Variants in CAMKMT observed in about 807,000 individuals in gnomAD.
CAMKMT encodes CaM KMT.
In CAMKMT, 53 loss-of-function variants were observed where a neutral mutation model predicts 48.0. The observed-to-expected ratio is 1.10, with a 90% CI of 0.89 to 1.39. The LOEUF is 1.39. Among genes scored for constraint, CAMKMT ranks in the 40% most tolerant of loss-of-function variants. The probability of loss-of-function intolerance (pLI) is 0.00; values close to 1 mark genes in which losing one functional copy is unlikely to be tolerated. For synonymous variants in CAMKMT, 165 were observed against 152.3 expected (o/e 1.08, Z -0.61); for missense variants, 428 against 402.7 (o/e 1.06, Z -0.54).
chr2:44,599,244 A>G (rs984465637), intron 3 of CAMKMT, among the ~76,000 whole-genome samples: 2 of 152,148 alleles, frequency 1.3e-5, no homozygotes, highest in Non-Finnish European at 1.5e-5. Flanking sequence ...ACCATAACTC[A>G]TAGTTTATTT....
intron 3 of CAMKMT, among the ~76,000 whole-genome samples, chr2:44,525,903 A>T (rs1671380380): frequency 6.6e-6 from 1 of 151,404 alleles, no homozygotes; most frequent in Non-Finnish European, 1.5e-5. Flanking sequence ...ACATGTGCAC[A>T]ATGTGCAGGT....
chr2:44,389,266 T>A (rs1681084859), intron 2 of CAMKMT, among the ~76,000 whole-genome samples: 1 of 152,112 alleles, frequency 6.6e-6, no homozygotes, highest in Non-Finnish European at 1.5e-5. Context: ...GGGCCCACCC[T>A]AATGACCCTA....
At chr2:44,424,226 C>G (rs1211469802) in intron 3 of CAMKMT, among the ~76,000 whole-genome samples, 1 of 151,740 alleles carries the variant, frequency 6.6e-6, no homozygotes, top group Non-Finnish European at 1.5e-5. Context: ...TTTTCAAGCC[C>G]TCCTGTAGTG....
intron 3 of CAMKMT, among the ~76,000 whole-genome samples, chr2:44,651,454 C>T (rs532227012): frequency 8.5e-5 from 13 of 152,234 alleles, no homozygotes; most frequent in African/African-American, 2.2e-4. Context: ...TAGGCCGAGG[C>T]GGGTGGATCA....
chr2:44,459,319 C>T (rs1331556026), intron 3 of CAMKMT, among the ~76,000 whole-genome samples: 1 of 152,154 alleles, frequency 6.6e-6, no homozygotes, highest in Non-Finnish European at 1.5e-5. Context: ...TGATTATACA[C>T]AAACCCATTA....
At chr2:44,736,257 T>G (rs1679350784) in intron 7 of CAMKMT, among the ~76,000 whole-genome samples, 1 of 152,220 alleles carries the variant, frequency 6.6e-6, no homozygotes, top group Non-Finnish European at 1.5e-5. Context: ...TGTTTCACCT[T>G]GTTTTGAAAT....
chr2:44,367,564 C>A (rs1346379541), intron 1 of CAMKMT, among the ~76,000 whole-genome samples: 1 of 152,134 alleles, frequency 6.6e-6, no homozygotes, highest in Non-Finnish European at 1.5e-5. Flanking sequence ...CAAACAAATC[C>A]AAAATCTGAA....
chr2:44,413,585 G>A (rs1443385942), intron 3 of CAMKMT, among the ~76,000 whole-genome samples: 1 of 151,384 alleles, frequency 6.6e-6, no homozygotes, highest in Non-Finnish European at 1.5e-5. Context: ...TGGGGCGGTA[G>A]AGGTCACAGT....
At chr2:44,539,660 TCCTC>T (rs1287646612) in intron 3 of CAMKMT, among the ~76,000 whole-genome samples, 5 of 152,148 alleles carry the variant, frequency 3.3e-5, no homozygotes, top group Non-Finnish European at 5.9e-5. Flanking sequence ...TTTGAACAGT[TCCTC>T]AGCCTTTCTT....
intron 3 of CAMKMT, among the ~76,000 whole-genome samples, chr2:44,639,677 C>G (rs79569983): frequency 0.028 from 4,258 of 152,238 alleles, 199 homozygotes; most frequent in African/African-American, 0.098. Context: ...TCAGCACCAG[C>G]TCCTATCTTT....
chr2:44,436,442 A>G (rs1414722606), intron 3 of CAMKMT, among the ~76,000 whole-genome samples: 1 of 152,172 alleles, frequency 6.6e-6, no homozygotes, highest in Non-Finnish European at 1.5e-5. Flanking sequence ...GGGGACACCA[A>G]TTTCCAAGGC....
At chr2:44,748,674 C>G (rs143168070) in intron 8 of CAMKMT, among the ~76,000 whole-genome samples, 3,334 of 152,028 alleles carry the variant, frequency 0.022, 98 homozygotes, top group African/African-American at 0.076. Context: ...AGATCGAGAC[C>G]ATCCTGGCTA....
chr2:44,521,624 AGGCAACT>A (rs1385678960), intron 3 of CAMKMT, among the ~76,000 whole-genome samples: 1 of 152,220 alleles, frequency 6.6e-6, no homozygotes, highest in Non-Finnish European at 1.5e-5. Context: ...TAACGAGGTT[AGGCAACT>A]TGCCTAGAAT....
intron 3 of CAMKMT, among the ~76,000 whole-genome samples, chr2:44,675,005 C>T (rs1483573992): frequency 2.6e-5 from 4 of 151,896 alleles, no homozygotes; most frequent in Non-Finnish European, 4.4e-5. Flanking sequence ...CTCTCTATTG[C>T]ATCTTTTACC....
At chr2:44,617,042 G>A (rs529416123) in intron 3 of CAMKMT, among the ~76,000 whole-genome samples, 50 of 152,274 alleles carry the variant, frequency 3.3e-4, no homozygotes, top group South Asian at 6.2e-4. Flanking sequence ...TGTGTCCTAC[G>A]TGATAGTGCC....
intron 3 of CAMKMT, among the ~76,000 whole-genome samples, chr2:44,497,908 T>G (rs811494): frequency 0.73 from 110,292 of 151,892 alleles, 40,632 homozygotes; most frequent in South Asian, 0.8. Flanking sequence ...GCAGGGAAGT[T>G]GGGGGACCTG....
At chr2:44,498,256 T>C (rs1669851054) in intron 3 of CAMKMT, among the ~76,000 whole-genome samples, 1 of 152,200 alleles carries the variant, frequency 6.6e-6, no homozygotes. Context: ...TTGGACAGGT[T>C]ATATGAACAT....
At chr2:44,584,960 C>G (rs1034801535) in intron 3 of CAMKMT, among the ~76,000 whole-genome samples, 1 of 151,408 alleles carries the variant, frequency 6.6e-6, no homozygotes, top group Non-Finnish European at 1.5e-5. Flanking sequence ...GAGGCTGAGG[C>G]AGGAGAATGA....
At chr2:44,711,465 A>G (rs1049772453) in intron 6 of CAMKMT, among the ~76,000 whole-genome samples, 1 of 152,134 alleles carries the variant, frequency 6.6e-6, no homozygotes, top group Non-Finnish European at 1.5e-5. Context: ...ATGTTCACAT[A>G]ATTAATTCTA....
Sources: gnomAD v4.1 joint callset for allele counts (sites outside exome capture counted in the v4.1 genomes callset) on GRCh38, gnomAD v4.1.1 for gene constraint, MANE v1.5 for transcripts, NCBI Gene and HGNC (gene_info 2026-07-23, HGNC 2026-07-21) for gene names.